The following IL1R2 variants were observed in gnomAD, a reference collection of about 807,000 sequenced individuals.
IL1R2 encodes the protein interleukin 1 receptor type 2.
In IL1R2, 46 loss-of-function variants were observed where a neutral mutation model predicts 39.5. That is an observed-to-expected ratio of 1.16 (90% CI 0.92 to 1.49). IL1R2 has a LOEUF of 1.49. IL1R2 is among the 40% of genes most tolerant of loss of function. The pLI, the probability that IL1R2 is intolerant of heterozygous loss-of-function variation, is 0.00. For missense variants in IL1R2, 537 were observed against 502.0 expected (o/e 1.07, Z -0.67); for synonymous variants, 207 against 189.6 (o/e 1.09, Z -0.75).
intron 3 of IL1R2, among the ~76,000 whole-genome samples, chr2:102,014,002 G>A (rs763066133): frequency 6.6e-6 from 1 of 152,122 alleles, no homozygotes; most frequent in Non-Finnish European, 1.5e-5. Context: ...ACACTACATG[G>A]GGAGTGCAAG....
At chr2:102,026,087 T>C in intron 7 of IL1R2, 24 bp from the exon 8 acceptor site, 1 of 1,558,604 alleles carries the variant, frequency 6.4e-7, no homozygotes, top group Non-Finnish European at 8.8e-7. Flanking sequence ...CAATCATAAT[T>C]AAGTGAATGT....
At chr2:102,011,971 T>G (rs2110563) in intron 3 of IL1R2, among the ~76,000 whole-genome samples, 97,431 of 152,046 alleles carry the variant, frequency 0.64, 32,896 homozygotes, top group African/African-American at 0.85. Context: ...TGGATATCCA[T>G]TTTCTCCAGT....
At chr2:102,004,326 C>G (rs1676129899) in intron 1 of IL1R2, among the ~76,000 whole-genome samples, 1 of 108,566 alleles carries the variant, frequency 9.2e-6, no homozygotes, top group Non-Finnish European at 1.8e-5. Context: ...GCGTGCTCTA[C>G]CACCTGTCCA....
intron 1 of IL1R2, among the ~76,000 whole-genome samples, chr2:101,993,767 T>C (rs1675456342): frequency 6.6e-6 from 1 of 152,208 alleles, no homozygotes; most frequent in African/African-American, 2.4e-5. Context: ...CTTAGAGCCC[T>C]TCAGGACTCC....
chr2:102,016,768 T>C (rs915058448), intron 4 of IL1R2, among the ~76,000 whole-genome samples: 2 of 152,198 alleles, frequency 1.3e-5, no homozygotes, highest in Non-Finnish European at 2.9e-5. Flanking sequence ...TGATTTAAAG[T>C]ATATGGGAGG....
rs751043128 is a variant in IL1R2 at position 102,019,825 on chromosome 2, C to T, written c.688+13C>T. The T allele has an allele frequency of 8.1e-6, 13 of 1,606,916 alleles. No individual in the cohort carries two copies. The highest frequency in any genetic ancestry group is 1.0e-5 in the Non-Finnish European group (12 of 1,175,212). On this transcript the variant is annotated intron_variant, in intron 5 of 8. Transcript: ENST00000332549. The stretch of plus-strand genomic sequence containing the variant: ...CTACGCATCAAGAGTAAGTACTTGC[C>T]ATTGAGGCACCTATCTATCCTGGTT...
chr2:102,015,947 T>C lies in IL1R2; in HGVS notation c.409T>C (p.Ser137Pro), dbSNP rs762159296. 25 of 1,613,848 alleles carry C rather than the reference T, an allele frequency of 1.5e-5. No individual in the cohort carries two copies. Among genetic ancestry groups the C allele is most frequent in the South Asian group, 9.9e-5 (9 of 91,084 alleles). The part of the protein sequence containing the change: ...ENTDAFLPFI[S>P]YPQILTLSTS... ...TACAGATGCTTTCCTGCCGTTCATC[T>C]CATACCCGCAAATTTTAACCTTGTC... Residue 137 changes from serine (S) to proline (P), a missense_variant, in exon 4 of 9, where the codon TCA (serine) becomes CCA (proline). By Grantham distance (74) the Ser-to-Pro change is moderately conservative. Transcript: ENST00000332549.
rs201396625 is a variant in IL1R2, at chr2:102,026,234, A to G, written c.1011A>G (p.Leu337=). 1.9e-6 allele frequency: 3 copies of G among 1,611,878 alleles called. No individual in the cohort carries two copies. Among genetic ancestry groups the G allele is most frequent in the African/African-American group, 1.3e-5 (1 of 74,932 alleles). Residue 337 remains leucine, a synonymous_variant, in exon 8 of 9, where the codon CTA becomes CTG. Transcript: ENST00000332549. ...VVHNTLSFQT[L]RTTVKEASST... is the part of the protein sequence containing the mutation. ...ATAATACCCTGAGTTTTCAGACACT[A>G]CGCACCACAGTCAAGGAAGGTATGT...
intron 3 of IL1R2, among the ~76,000 whole-genome samples, chr2:102,012,541 G>A (rs991172880): frequency 6.6e-6 from 1 of 150,628 alleles, no homozygotes; most frequent in Admixed American, 6.6e-5. Context: ...TGCCCTCTGT[G>A]TGTGTGTGTG....
intron 1 of IL1R2, among the ~76,000 whole-genome samples, chr2:101,994,203 G>A (rs1229678735): frequency 6.6e-6 from 1 of 152,128 alleles, no homozygotes; most frequent in Non-Finnish European, 1.5e-5. Context: ...TGGCCTGGGA[G>A]CCTCCTACCC....
At chr2:102,010,901 T>A (rs2298940) in intron 3 of IL1R2, among the ~76,000 whole-genome samples, 25,799 of 152,094 alleles carry the variant, frequency 0.17, 2,615 homozygotes, top group East Asian at 0.32. Flanking sequence ...CCCTCTCTTC[T>A]TCCCTCCAGC....
At chr2:102,017,284 T>C (rs1677063694) in intron 4 of IL1R2, among the ~76,000 whole-genome samples, 2 of 151,020 alleles carry the variant, frequency 1.3e-5, no homozygotes, top group South Asian at 4.2e-4. Context: ...GTAATCCTGG[T>C]GACTCGGGAG....
intron 1 of IL1R2, among the ~76,000 whole-genome samples, chr2:102,003,521 C>A (rs1260923855): frequency 1.8e-5 from 2 of 111,930 alleles, no homozygotes; most frequent in Admixed American, 1.8e-4. Flanking sequence ...GTCTGTGTCC[C>A]ATGTCTGTGT....
At chr2:102,000,873 C>T (rs1463260340) in intron 1 of IL1R2, among the ~76,000 whole-genome samples, 1 of 152,180 alleles carries the variant, frequency 6.6e-6, no homozygotes, top group Non-Finnish European at 1.5e-5. Flanking sequence ...TGAGTTTTGT[C>T]CTCTGGAGTT....
intron 3 of IL1R2, among the ~76,000 whole-genome samples, chr2:102,010,574 TAAA>T (rs35560069): frequency 1.7e-4 from 22 of 126,884 alleles, no homozygotes; most frequent in Admixed American, 1.6e-4. Context: ...AGACTCTGTC[TAAA>T]AAAAAAAAAA....
At chr2:102,012,424 G>A (rs1676695488) in intron 3 of IL1R2, among the ~76,000 whole-genome samples, 1 of 152,152 alleles carries the variant, frequency 6.6e-6, no homozygotes. Flanking sequence ...TAGCACAGTG[G>A]AAGTACTGGT....
chr2:102,004,129 C>A (rs1326360769), intron 1 of IL1R2, among the ~76,000 whole-genome samples: 2 of 152,264 alleles, frequency 1.3e-5, no homozygotes, highest in Admixed American at 1.3e-4. Context: ...AATGGCGAAT[C>A]TACTGAAATA....
chr2:102,012,769 T>C (rs776989358), intron 3 of IL1R2, among the ~76,000 whole-genome samples: 69 of 152,340 alleles, frequency 4.5e-4, no homozygotes, highest in Non-Finnish European at 2.9e-4. Flanking sequence ...GCATATTTCT[T>C]CTTTCTTTTC....
intron 1 of IL1R2, among the ~76,000 whole-genome samples, chr2:102,007,008 G>T (rs138839554): frequency 6.6e-6 from 1 of 152,186 alleles, no homozygotes; most frequent in East Asian, 1.9e-4. Context: ...CCCATCTGCC[G>T]CTCAGAGCCA....
Sources: gnomAD v4.1 joint callset for allele counts (sites outside exome capture counted in the v4.1 genomes callset) on GRCh38, gnomAD v4.1.1 for gene constraint, MANE v1.5 for transcripts, NCBI Gene and HGNC (gene_info 2026-07-23, HGNC 2026-07-21) for gene names.